The following SCMH1 variants were observed in gnomAD, a reference collection of about 807,000 sequenced individuals.
SCMH1 encodes Scm polycomb group protein homolog 1.
Under a neutral mutation model 70.8 loss-of-function variants are expected in SCMH1, and 37 were observed. That is an observed-to-expected ratio of 0.52 (90% CI 0.40 to 0.69). The LOEUF (loss-of-function observed/expected upper bound fraction) is 0.69, where lower values mean the gene tolerates loss of function less well. Among genes scored for constraint, SCMH1 ranks in the 30% least tolerant of loss-of-function variants. The pLI, the probability that SCMH1 is intolerant of heterozygous loss-of-function variation, is 0.00. For synonymous variants in SCMH1, 292 were observed against 307.4 expected, an observed-to-expected ratio of 0.95 and a Z score of 0.52; for missense variants, 607 against 827.3, an observed-to-expected ratio of 0.73 and a Z score of 3.27.
At chr1:41,233,448 G>C (rs1022670757) in intron 1 of SCMH1, among the ~76,000 whole-genome samples, 1 of 152,036 alleles carries the variant, frequency 6.6e-6, no homozygotes, top group African/African-American at 2.4e-5. Context: ...GAGTAACTAT[G>C]ACTATAGATA....
At chr1:41,199,700 A>G (rs1465182357) in intron 1 of SCMH1, among the ~76,000 whole-genome samples, 4 of 151,506 alleles carry the variant, frequency 2.6e-5, no homozygotes, top group Non-Finnish European at 5.9e-5. Flanking sequence ...TATAAAAGTA[A>G]GAATAATACA....
intron 1 of SCMH1, among the ~76,000 whole-genome samples, chr1:41,208,435 T>TAAAAAAAAAAAAATA (rs149379351): frequency 7.7e-6 from 1 of 129,688 alleles, no homozygotes. Context: ...AGAAAAAAAT[T>TAAAAAAAAAAAAATA]AAAAAAAAAA....
At chr1:41,105,308 T>C (rs1479736803) in intron 8 of SCMH1, among the ~76,000 whole-genome samples, 1 of 152,082 alleles carries the variant, frequency 6.6e-6, no homozygotes, top group East Asian at 1.9e-4. Flanking sequence ...TAGATGCGAG[T>C]AGTATTCTTA....
intron 6 of SCMH1, among the ~76,000 whole-genome samples, chr1:41,124,715 C>T (rs552212173): frequency 3.3e-5 from 5 of 151,630 alleles, no homozygotes; most frequent in South Asian, 4.2e-4. Context: ...TCAGGTGATC[C>T]CCCTGAGCAA....
chr1:41,183,408 C>A (rs563732776), intron 2 of SCMH1, among the ~76,000 whole-genome samples: 6 of 152,324 alleles, frequency 3.9e-5, no homozygotes, highest in Non-Finnish European at 8.8e-5. Flanking sequence ...CAAGCTCATA[C>A]AACTGTAAAC....
At chr1:41,197,676 A>G (rs956616316) in intron 1 of SCMH1, among the ~76,000 whole-genome samples, 1 of 151,002 alleles carries the variant, frequency 6.6e-6, no homozygotes, top group Admixed American at 6.6e-5. Flanking sequence ...CTTTAAGTTT[A>G]TGTATATTTT....
At chr1:41,037,608 G>A in intron 12 of SCMH1, 67 bp from the exon 13 acceptor site, 7 of 1,415,158 alleles carry the variant, frequency 4.9e-6, no homozygotes, top group Non-Finnish European at 4.9e-6. Context: ...CCAGATACCT[G>A]TTTGAGTGGA....
intron 5 of SCMH1, among the ~76,000 whole-genome samples, chr1:41,145,028 T>C (rs2148253102): frequency 6.6e-6 from 1 of 152,298 alleles, no homozygotes; most frequent in African/African-American, 2.4e-5. Context: ...TTTTCTCCCA[T>C]TGTGTGGGTT....
At chr1:41,107,811 C>A (rs1463774842) in intron 8 of SCMH1, among the ~76,000 whole-genome samples, 1 of 152,204 alleles carries the variant, frequency 6.6e-6, no homozygotes, top group Non-Finnish European at 1.5e-5. Flanking sequence ...AGCCACTGCG[C>A]CTAGCCTAGG....
At chr1:41,052,469 TG>T (rs1475598596) in intron 10 of SCMH1, among the ~76,000 whole-genome samples, 1 of 152,238 alleles carries the variant, frequency 6.6e-6, no homozygotes, top group African/African-American at 2.4e-5. Context: ...CACTGGTCCA[TG>T]GAACACCTGT....
chr1:41,043,919 A>G lies in SCMH1; in HGVS notation c.1498+2488T>C, dbSNP rs1558394959. The G allele has an allele frequency of 3.3e-5, 5 of 152,292 alleles. No homozygotes were observed. The South Asian group carries it at 6.2e-4, about 19-fold the overall frequency. The allele number at this position is 152,292 out of a possible 1,614,324, so 9.4% of individuals were successfully genotyped here. A position where few individuals can be genotyped will look rare whatever the true frequency, so the allele number is the denominator to read the frequency against. On this transcript the variant is annotated intron_variant, in intron 12 of 14. Transcript: ENST00000337495. ...GTATTCAACAAGTATGTATATTTAT[A>G]TGTGTATATATAGTTAGGAGAAACA...
At chr1:41,084,956 A>G (rs1323935868) in intron 8 of SCMH1, among the ~76,000 whole-genome samples, 1 of 124,828 alleles carries the variant, frequency 8.0e-6, no homozygotes, top group Non-Finnish European at 1.6e-5. Context: ...GAAGGGGAAT[A>G]TCACACTCTG....
intron 6 of SCMH1, among the ~76,000 whole-genome samples, chr1:41,130,043 T>A (rs1459195580): frequency 1.3e-5 from 2 of 152,204 alleles, no homozygotes; most frequent in Admixed American, 1.3e-4. Flanking sequence ...TGAAGTGTCA[T>A]CTCAATGCAG....
chr1:41,046,630 C>A, intron 11 of SCMH1, 32 bp from the exon 12 acceptor site: 2 of 1,572,446 alleles, frequency 1.3e-6, no homozygotes, highest in South Asian at 2.2e-5. Flanking sequence ...CCAAGCATGT[C>A]AGCCTGGCAG....
At chr1:41,137,256 T>C (rs1643495271) in intron 6 of SCMH1, among the ~76,000 whole-genome samples, 3 of 152,236 alleles carry the variant, frequency 2.0e-5, no homozygotes, top group Admixed American at 2.0e-4. Context: ...TTTAAGGCTA[T>C]ACATTTTCTT....
intron 10 of SCMH1, among the ~76,000 whole-genome samples, chr1:41,070,221 TA>T (rs201661314): frequency 0.085 from 12,436 of 146,800 alleles, 613 homozygotes; most frequent in South Asian, 0.13. Flanking sequence ...CAATGATTGT[TA>T]AAAAAAAAAA....
At chr1:41,145,894 T>C (rs1197436667) in intron 5 of SCMH1, among the ~76,000 whole-genome samples, 1 of 152,240 alleles carries the variant, frequency 6.6e-6, no homozygotes, top group Non-Finnish European at 1.5e-5. Flanking sequence ...TACAATTATG[T>C]ACAGTACATA....
intron 10 of SCMH1, among the ~76,000 whole-genome samples, chr1:41,066,998 G>A (rs1034104634): frequency 3.9e-5 from 6 of 152,138 alleles, no homozygotes; most frequent in Admixed American, 1.3e-4. Flanking sequence ...AGTTGAAACC[G>A]TATGTCCACA....
intron 2 of SCMH1, among the ~76,000 whole-genome samples, chr1:41,168,110 G>T (rs61781831): frequency 1.3e-5 from 2 of 150,602 alleles, no homozygotes; most frequent in South Asian, 4.2e-4. Context: ...ATCTTTTCGG[G>T]TTCATCTTAT....
Sources: gnomAD v4.1 joint callset for allele counts (sites outside exome capture counted in the v4.1 genomes callset) on GRCh38, gnomAD v4.1.1 for gene constraint, MANE v1.5 for transcripts, NCBI Gene and HGNC (gene_info 2026-07-23, HGNC 2026-07-21) for gene names.